Variants in CBLIF observed in about 807,000 individuals in gnomAD.
CBLIF encodes cobalamin binding intrinsic factor.
A neutral mutation model predicts 44.9 loss-of-function variants in CBLIF; 24 were observed. That is an observed-to-expected ratio of 0.53 (90% CI 0.39 to 0.75). The LOEUF (loss-of-function observed/expected upper bound fraction) is 0.75. Ranked by LOEUF, CBLIF falls within the 30% of genes least tolerant of loss-of-function variation. CBLIF has a pLI of 0.00. For missense variants in CBLIF, 481 were observed against 513.0 expected (o/e 0.94, Z 0.60); for synonymous variants, 183 against 190.9 (o/e 0.96, Z 0.34).
chr11:59,832,418 C>A (rs1023849876), intron 7 of CBLIF, among the ~76,000 whole-genome samples: 1 of 152,036 alleles, frequency 6.6e-6, no homozygotes, highest in African/African-American at 2.4e-5. Context: ...GTACAACAAA[C>A]CCCCATGACA....
At chr11:59,840,251 A>G (rs183578238) in intron 5 of CBLIF, among the ~76,000 whole-genome samples, 2 of 152,218 alleles carry the variant, frequency 1.3e-5, no homozygotes, top group East Asian at 3.9e-4. Flanking sequence ...GTCCGCAACT[A>G]TGTTAGGTTT....
intron 6 of CBLIF, 108 bp downstream of exon 6, chr11:59,837,066 C>A (rs1171705717): frequency 2.3e-6 from 2 of 879,438 alleles, no homozygotes; most frequent in East Asian, 4.8e-5. Context: ...ACTCTGCCCA[C>A]ATGGGAATAA....
At position 59,845,364 on chromosome 11, in the gene CBLIF, A is replaced by G. The variant is rs1449688934; in HGVS notation, c.79+11T>C. ...GCTTCCCTGACCTCCTTGGAAAAAC[A>G]TCATACTCACAGCATGAACTCTGGG... On this transcript the variant is annotated intron_variant, in intron 1 of 8. Transcript: ENST00000257248. The G allele has an allele frequency of 1.9e-6, 3 of 1,609,272 alleles. No individual in the cohort carries two copies. The highest frequency in any genetic ancestry group is 1.7e-5 in the Admixed American group (1 of 59,958).
chr11:59,842,759 T>C, intron 3 of CBLIF, 176 bp from the exon 4 acceptor site: 1 of 676,242 alleles, frequency 1.5e-6, no homozygotes, highest in Non-Finnish European at 2.6e-6. Context: ...TCATCAGGCA[T>C]CTGCAAAGAA....
chr11:59,830,201 T>C (rs1055498465), intron 8 of CBLIF, among the ~76,000 whole-genome samples: 8 of 151,516 alleles, frequency 5.3e-5, no homozygotes, highest in African/African-American at 2.0e-4. Context: ...CATGAGAATA[T>C]GCCTGATTTA....
At chr11:59,842,725 A>G (rs1866554460) in intron 3 of CBLIF, 142 bp from the exon 4 acceptor site, 2 of 770,146 alleles carry the variant, frequency 2.6e-6, no homozygotes, top group South Asian at 3.0e-5. Flanking sequence ...GCAAAGAGCA[A>G]CTTCAGTGTT....
At chr11:59,833,791 C>G (rs1866406161) in intron 7 of CBLIF, among the ~76,000 whole-genome samples, 1 of 152,120 alleles carries the variant, frequency 6.6e-6, no homozygotes, top group South Asian at 2.1e-4. Flanking sequence ...CATTTTTCCT[C>G]CTCTCCTCCT....
intron 7 of CBLIF, among the ~76,000 whole-genome samples, chr11:59,833,469 A>G (rs147558734): frequency 0.022 from 3,369 of 151,966 alleles, 131 homozygotes; most frequent in African/African-American, 0.078. Context: ...GTGAGCCGAG[A>G]TCGCGCCATT....
At position 59,833,769 on chromosome 11, in the gene CBLIF, T is replaced by C. The variant is rs891100086; in HGVS notation, c.1074-1973A>G. Among the ~76,000 whole-genome samples the C allele has an allele frequency of 3.9e-5, 6 of 152,206 alleles. No individual in the cohort carries two copies. In the South Asian group the frequency reaches 8.3e-4, roughly 21 times the overall value. On this transcript the variant is annotated intron_variant, in intron 7 of 8. Transcript: ENST00000257248. ...AAAAAGAAAAGATGCTTTTTTCCTT[T>C]CCATGACTTGGCATTTTTCCTCCTC... is the stretch of plus-strand genomic sequence containing the variant.
chr11:59,840,163 T>A (rs1866505909), intron 5 of CBLIF, among the ~76,000 whole-genome samples: 2 of 152,132 alleles, frequency 1.3e-5, no homozygotes, highest in African/African-American at 4.8e-5. Context: ...GCTGCTTATA[T>A]CCTTTTCTAA....
At chr11:59,842,791 T>C in intron 3 of CBLIF, 1 of 644,790 alleles carries the variant, frequency 1.6e-6, no homozygotes, top group Non-Finnish European at 2.8e-6. Flanking sequence ...ACTCTGTGTC[T>C]TTAGACAGGT....
intron 5 of CBLIF, among the ~76,000 whole-genome samples, chr11:59,839,255 A>C (rs1356882687): frequency 6.6e-6 from 1 of 152,202 alleles, no homozygotes; most frequent in Non-Finnish European, 1.5e-5. Flanking sequence ...ATGCCTCATG[A>C]GCGTCTTTGG....
chr11:59,843,009 C>T lies in CBLIF; in HGVS notation c.370+19G>A, dbSNP rs2135095724. ...AAACCATATGCCTGACTCTTTTCTC[C>T]CTTCCAGTCAGGTCTTACTGGAAGG... On this transcript the variant is annotated intron_variant, in intron 3 of 8. Transcript: ENST00000257248. 7.2e-7 allele frequency: 1 copy of T among 1,391,804 alleles called. No homozygotes were observed. Among genetic ancestry groups the T allele is most frequent in the Non-Finnish European group, 1.0e-6 (1 of 977,064 alleles). 86.2% of individuals were successfully genotyped at this position (1,391,804 alleles called of 1,614,324 possible).
chr11:59,829,591 A>G (rs564904511), intron 8 of CBLIF, 46 bp from the exon 9 acceptor site: 11 of 1,174,052 alleles, frequency 9.4e-6, no homozygotes, highest in East Asian at 2.3e-5. Context: ...GGTGCATGTA[A>G]CCACCTCCAT....
At chr11:59,829,566 A>G in intron 8 of CBLIF, 21 bp from the exon 9 acceptor site, 1 of 1,527,302 alleles carries the variant, frequency 6.5e-7, no homozygotes, top group Admixed American at 1.7e-5. Flanking sequence ...GCAGAGAATA[A>G]CATGAGGTGA....
Position 59,842,466 on chromosome 11 carries a change from G to A in CBLIF, c.488C>T (p.Ala163Val). 1 of 1,613,772 alleles carries A rather than the reference G, an allele frequency of 6.2e-7. No homozygotes were observed. The highest frequency in any genetic ancestry group is 1.1e-5 in the South Asian group (1 of 91,062). The change falls in exon 4 of 9, where the codon GCC (alanine) becomes GTC (valine). Residue 163 changes from alanine (A) to valine (V), a missense_variant. Transcript: ENST00000257248. The stretch of plus-strand genomic sequence containing the variant: ...ACCTACATTGAAGGGAGAGGAGTTG[G>A]CCAGCAGGGTCTTGGCAAAGCGGAC... ...IAVRFAKTLL[A>V]NSSPFNVDTG...
intron 6 of CBLIF, 106 bp from the exon 7 acceptor site, chr11:59,836,115 T>G: frequency 1.1e-6 from 1 of 893,286 alleles, no homozygotes; most frequent in Admixed American, 1.7e-5. Flanking sequence ...TTTGAGAAAG[T>G]AGTGAGTTTC....
intron 4 of CBLIF, 107 bp downstream of exon 4, chr11:59,842,336 G>A: frequency 8.1e-7 from 1 of 1,238,294 alleles, no homozygotes. Context: ...CACATCCTTA[G>A]CTCCTCCTCC....
intron 2 of CBLIF, among the ~76,000 whole-genome samples, chr11:59,843,356 A>G (rs1399115712): frequency 1.3e-5 from 2 of 152,192 alleles, no homozygotes; most frequent in Non-Finnish European, 2.9e-5. Context: ...TGACTCTAGT[A>G]TTTGGTATTT....
Sources: allele counts gnomAD v4.1 joint callset (sites outside exome capture counted in the v4.1 genomes callset), GRCh38; gene constraint gnomAD v4.1.1; transcripts MANE v1.5; gene names NCBI Gene and HGNC (gene_info 2026-07-23, HGNC 2026-07-21).